HERC2: variants seen among roughly 807,000 people sequenced by gnomAD.
The protein encoded by HERC2 is E3 ubiquitin-protein ligase HERC2.
Under a neutral mutation model 537.7 loss-of-function variants are expected in HERC2, and 102 were observed. The ratio of observed to expected loss-of-function variants is 0.19; its 90% CI spans 0.16 to 0.22. The LOEUF (loss-of-function observed/expected upper bound fraction) is 0.22. HERC2 is among the 10% of genes least tolerant of loss of function. The pLI is 1.00. For synonymous variants in HERC2, 2,224 were observed against 2,466.2 expected, an observed-to-expected ratio of 0.90 and a Z score of 2.91; for missense variants, 4,236 against 6,198.2, an observed-to-expected ratio of 0.68 and a Z score of 10.63.
Position 28,254,318 on chromosome 15 carries a change from C to T in HERC2, c.3050+22G>A, listed in dbSNP as rs1297537509. 7.3e-6 allele frequency: 11 copies of T among 1,515,438 alleles called. No individual in the cohort carries two copies. The Admixed American group carries it at 1.5e-4, about 20-fold the overall frequency. 93.9% of individuals were successfully genotyped at this position (1,515,438 alleles called of 1,614,324 possible). Reference sequence around the variant, plus strand: ...AAAAGTAAATAAATAACATATAATACAATACAGCTACTACGATTTACCTAA... The same window carrying T: ...AAAAGTAAATAAATAACATATAATATAATACAGCTACTACGATTTACCTAA... On this transcript the variant is annotated intron_variant, in intron 20 of 92. Transcript: ENST00000261609.
chr15:28,254,602 G>A (rs2075194977), intron 19 of HERC2, 84 bp from the exon 20 acceptor site: 1 of 861,722 alleles, frequency 1.2e-6, no homozygotes, highest in Admixed American at 3.1e-5. Flanking sequence ...CCTAACCCCA[G>A]TGCCAAGCTA....
At chr15:28,253,982 A>T (rs181963647) in intron 20 of HERC2, among the ~76,000 whole-genome samples, 6 of 151,876 alleles carry the variant, frequency 4.0e-5, no homozygotes, top group Admixed American at 3.3e-4. Context: ...TATTAAAAAA[A>T]AATAATAAGT....
chr15:28,305,049 C>T (rs1364902293), intron 2 of HERC2, among the ~76,000 whole-genome samples: 2 of 148,872 alleles, frequency 1.3e-5, no homozygotes, highest in African/African-American at 5.0e-5. Context: ...ATGAACTCAT[C>T]ATTTTTTATG....
intron 19 of HERC2, among the ~76,000 whole-genome samples, chr15:28,254,834 G>A (rs891793147): frequency 6.6e-6 from 1 of 152,214 alleles, no homozygotes; most frequent in Non-Finnish European, 1.5e-5. Context: ...CCCCACACAT[G>A]CAACATCCAG....
At chr15:28,206,832 CAAAAAAAAAAAAAAA>C (rs71132838) in intron 44 of HERC2, among the ~76,000 whole-genome samples, 12,855 of 53,304 alleles carry the variant, frequency 0.24, 1,146 homozygotes, top group East Asian at 0.5. Context: ...GACTCGGTCT[CAAAAAAAAAAAAAAA>C]AAAAAAAAAA....
chr15:28,265,662 G>A lies in HERC2; in HGVS notation c.1826C>T (p.Ala609Val), dbSNP rs767814974. Residue 609 changes from alanine to valine, a missense_variant, in exon 14 of 93, where the codon GCG (alanine) becomes GTG (valine). Transcript: ENST00000261609. The surrounding 1 kb of genome is among the most constrained non-coding windows in gnomAD (Gnocchi z 4.0). ...GLKGLKVIDV[A>V]CGSGDAQTLA... is the part of the protein sequence containing the mutation. ...GGTTTGAGCATCCCCACTCCCACAC[G>A]CCACATCGATGACCTTCAGTCCTTT... The A allele has an allele frequency of 6.2e-6, 10 of 1,614,122 alleles. No individual in the cohort carries two copies. Among genetic ancestry groups the A allele is most frequent in the Admixed American group, 3.3e-5 (2 of 60,022 alleles).
chr15:28,115,403 C>T, intron 89 of HERC2, 26 bp downstream of exon 89: 2 of 1,534,384 alleles, frequency 1.3e-6, no homozygotes, highest in Non-Finnish European at 1.8e-6. Context: ...ACCCTAGAGG[C>T]CCCGCCTGCC....
rs748326531 is a variant in HERC2 at position 28,143,883 on chromosome 15, G to T, written c.11408C>A (p.Thr3803Lys). ...NRLLGENDGE[T>K]RALSFTGSAL... ...TAGAATGCTCCATACCAAAGCTCTT[G>T]TTTCCCCATCATTTTCTCCAAGCAG... Residue 3803 changes from threonine (T) to lysine (K), a missense_variant, in exon 74 of 93, where the codon ACA (threonine) becomes AAA (lysine). Physicochemically the swap from Thr to Lys is moderately conservative, Grantham distance 78 (BLOSUM62 -1). Coordinates refer to ENST00000261609, the MANE Select transcript of HERC2 (RefSeq NM_004667.6). The T allele has an allele frequency of 3.7e-6, 6 of 1,614,122 alleles. No homozygotes were observed. The highest frequency in any genetic ancestry group is 5.1e-6 in the Non-Finnish European group (6 of 1,180,032).
chr15:28,174,991 T>C (rs982725018), intron 64 of HERC2, among the ~76,000 whole-genome samples: 1 of 152,250 alleles, frequency 6.6e-6, no homozygotes, highest in African/African-American at 2.4e-5. Flanking sequence ...GTAAGTTGCT[T>C]CTTGGCCTTA....
Position 28,163,204 on chromosome 15 carries a change from T to C in HERC2, c.10636A>G (p.Thr3546Ala). 1 of 1,613,816 alleles carries C rather than the reference T, an allele frequency of 6.2e-7. No individual in the cohort carries two copies. Among genetic ancestry groups the C allele is most frequent in the Non-Finnish European group, 8.5e-7 (1 of 1,180,006 alleles). ...EFTSLLIADD[T>A]RVVVDLLKLS... ...TTGAGCAGGTCTACCACCACACGAG[T>C]GTCATCCGCAATCAGCAGACTGGTG... The change falls in exon 69 of 93, where the codon ACT (threonine) becomes GCT (alanine). Residue 3546 changes from threonine to alanine, a missense_variant. Thr to Ala is a moderately conservative substitution (Grantham distance 58, BLOSUM62 0). Coordinates refer to ENST00000261609, the MANE Select transcript of HERC2 (RefSeq NM_004667.6).
At chr15:28,272,826 C>T (rs1196014188) in intron 8 of HERC2, 68 bp downstream of exon 8, 1 of 1,029,250 alleles carries the variant, frequency 9.7e-7, no homozygotes, top group Non-Finnish European at 1.5e-6. Context: ...GTGAAACACA[C>T]ACAATGCAAC....
At chr15:28,193,707 A>G (rs1353857997) in intron 52 of HERC2, among the ~76,000 whole-genome samples, 1 of 152,208 alleles carries the variant, frequency 6.6e-6, no homozygotes, top group African/African-American at 2.4e-5. Context: ...CAGACGAAGG[A>G]AAAATAAAAT....
chr15:28,194,287 G>A (rs1231717530), intron 52 of HERC2, among the ~76,000 whole-genome samples: 2 of 144,848 alleles, frequency 1.4e-5, no homozygotes, highest in Non-Finnish European at 3.0e-5. Context: ...GGATGGTCTC[G>A]ATCTCCTGAC....
intron 37 of HERC2, among the ~76,000 whole-genome samples, chr15:28,219,959 T>C (rs1262329451): frequency 6.6e-6 from 1 of 152,172 alleles, no homozygotes; most frequent in East Asian, 1.9e-4. Context: ...AGCGATAAAG[T>C]GCTGACTAAC....
chr15:28,268,450 A>G lies in HERC2; in HGVS notation c.1598+15T>C. On this transcript the variant is annotated intron_variant, in intron 12 of 92. Coordinates refer to ENST00000261609, the MANE Select transcript of HERC2 (RefSeq NM_004667.6). The surrounding 1 kb of genome is among the most constrained non-coding windows in gnomAD (Gnocchi z 4.7). The stretch of plus-strand genomic sequence containing the variant: ...AAAGGAGAGTGTGTCCCCTACAGGA[A>G]TAAGCGATACATACACAGTGTCCCC... The G allele has an allele frequency of 6.2e-7, 1 of 1,610,622 alleles. No homozygotes were observed. The highest frequency in any genetic ancestry group is 8.5e-7 in the Non-Finnish European group (1 of 1,177,834).
intron 35 of HERC2, among the ~76,000 whole-genome samples, chr15:28,226,787 A>G (rs1422353293): frequency 1.3e-5 from 2 of 152,246 alleles, no homozygotes; most frequent in African/African-American, 2.4e-5. Context: ...CTATCAAAGG[A>G]AATACAATCC....
chr15:28,174,339 A>G (rs1207267292), intron 65 of HERC2, 56 bp downstream of exon 65: 3 of 1,172,658 alleles, frequency 2.6e-6, no homozygotes, highest in African/African-American at 2.9e-5. Context: ...AAATAAATCT[A>G]TAAGGTTGCT....
Position 28,274,976 on chromosome 15 carries a change from C to T in HERC2, c.572G>A (p.Gly191Glu), listed in dbSNP as rs779892098. 1.2e-6 allele frequency: 2 copies of T among 1,608,560 alleles called. No individual in the cohort carries two copies. The highest frequency in any genetic ancestry group is 1.7e-6 in the Non-Finnish European group (2 of 1,179,884). The change falls in exon 6 of 93, where the codon GGG becomes GAG. Residue 191 changes from glycine to glutamate, a missense_variant. Gly to Glu is a moderately conservative substitution (Grantham distance 98, BLOSUM62 -2). This residue lies in a region of HERC2 where 491 missense variants were observed against 559.3 expected (regional missense o/e 0.88). Coordinates refer to ENST00000261609, the MANE Select transcript of HERC2 (RefSeq NM_004667.6). ...CGCTCGGGATCCCACTCTGGCGAGC[C>T]CCTCCACACCTTTGCCCGCAGGCCG... The part of the protein sequence containing the change: ...SSRPAGKGVE[G>E]LARVGSRAAL...
intron 56 of HERC2, among the ~76,000 whole-genome samples, chr15:28,185,312 G>T (rs6497285): frequency 3.3e-5 from 5 of 152,028 alleles, no homozygotes; most frequent in Non-Finnish European, 7.4e-5. Flanking sequence ...TAGAGCACAG[G>T]GTGTCTTGGT....
Sources: gnomAD v4.1 joint callset for allele counts (sites outside exome capture counted in the v4.1 genomes callset) on GRCh38, gnomAD v4.1.1 for gene constraint, gnomAD v4.1.1 regional missense constraint, Gnocchi (gnomAD v3.1) non-coding constraint, MANE v1.5 for transcripts, NCBI Gene and HGNC (gene_info 2026-07-23, HGNC 2026-07-21) for gene names.